UBE2H: variants seen among roughly 807,000 people sequenced by gnomAD.
UBE2H encodes the protein ubiquitin-conjugating enzyme E2 H.
UBE2H carries 3 observed loss-of-function variants against 29.0 expected under a neutral mutation model. The ratio of observed to expected loss-of-function variants is 0.10; its 90% CI spans 0.05 to 0.27. The LOEUF is 0.27. UBE2H is among the 10% of genes least tolerant of loss of function. The pLI is 1.00. For synonymous variants in UBE2H, 69 were observed against 82.9 expected, an observed-to-expected ratio of 0.83 and a Z score of 0.91; for missense variants, 68 against 228.2, an observed-to-expected ratio of 0.30 and a Z score of 4.52.
At chr7:129,879,327 G>A (rs1219601668) in intron 3 of UBE2H, among the ~76,000 whole-genome samples, 1 of 152,134 alleles carries the variant, frequency 6.6e-6, no homozygotes, top group African/African-American at 2.4e-5. Flanking sequence ...GGTTTAATCT[G>A]ACACCAAAAG....
chr7:129,873,848 C>A (rs2116355496), intron 3 of UBE2H, among the ~76,000 whole-genome samples: 1 of 152,284 alleles, frequency 6.6e-6, no homozygotes, highest in South Asian at 2.1e-4. Flanking sequence ...TCAACCATTT[C>A]TCTTACCTTC....
intron 1 of UBE2H, among the ~76,000 whole-genome samples, chr7:129,946,219 A>ATT (rs745714036): frequency 7.3e-6 from 1 of 137,762 alleles, no homozygotes. Context: ...CGCCCGGCTA[A>ATT]TTTTTTTTTT....
At chr7:129,916,235 C>T (rs1437296491) in intron 1 of UBE2H, among the ~76,000 whole-genome samples, 1 of 152,098 alleles carries the variant, frequency 6.6e-6, no homozygotes, top group East Asian at 1.9e-4. Context: ...AATCCTCTTC[C>T]ATTAAACAGA....
Position 129,858,884 on chromosome 7 carries a change from T to C in UBE2H, c.245+18A>G. The C allele has an allele frequency of 6.2e-7, 1 of 1,604,916 alleles. No homozygotes were observed. Among genetic ancestry groups the C allele is most frequent in the Non-Finnish European group, 8.5e-7 (1 of 1,173,452 alleles). On this transcript the variant is annotated intron_variant, in intron 4 of 6. Transcript: ENST00000355621. ...GCAGTTGCTGCTAAAATTGAAACAT[T>C]TTAAAATAGTTACTTACGCTTCATC...
intron 3 of UBE2H, among the ~76,000 whole-genome samples, chr7:129,868,601 A>G (rs1377301665): frequency 0.011 from 1,690 of 150,436 alleles, 35 homozygotes; most frequent in African/African-American, 0.039. Context: ...AAAAAAAAAA[A>G]AAAAAAAAAA....
At chr7:129,864,645 G>A (rs1464102056) in intron 3 of UBE2H, among the ~76,000 whole-genome samples, 9 of 143,952 alleles carry the variant, frequency 6.3e-5, no homozygotes, top group African/African-American at 2.0e-4. Context: ...TCCACCTCAC[G>A]GGTTCAAGCT....
chr7:129,868,653 C>CA (rs1269851215), intron 3 of UBE2H, among the ~76,000 whole-genome samples: 3 of 146,956 alleles, frequency 2.0e-5, no homozygotes, highest in Non-Finnish European at 4.5e-5. Flanking sequence ...CAAGCATATG[C>CA]AAAAGCAGGG....
At chr7:129,881,022 A>C (rs1806242438) in intron 1 of UBE2H, 51 bp from the exon 2 acceptor site, 1 of 1,542,372 alleles carries the variant, frequency 6.5e-7, no homozygotes, top group Admixed American at 1.9e-5. Flanking sequence ...ATCTGGCAGA[A>C]TTACCAATAA....
At chr7:129,931,956 AG>A (rs768272229) in intron 1 of UBE2H, among the ~76,000 whole-genome samples, 3 of 149,782 alleles carry the variant, frequency 2.0e-5, no homozygotes, top group Non-Finnish European at 4.4e-5. Context: ...CCCCAGTAAC[AG>A]GGATTACAAG....
intron 1 of UBE2H, among the ~76,000 whole-genome samples, chr7:129,915,729 A>G (rs1449004238): frequency 6.6e-6 from 1 of 152,148 alleles, no homozygotes; most frequent in Non-Finnish European, 1.5e-5. Flanking sequence ...CTGTGGCCAA[A>G]GCAAAAGCAA....
chr7:129,871,839 C>T (rs1244009262), intron 3 of UBE2H, among the ~76,000 whole-genome samples: 1 of 152,070 alleles, frequency 6.6e-6, no homozygotes. Flanking sequence ...ATTTTGCCTC[C>T]CCAGCCCCAA....
At chr7:129,938,839 A>C (rs1461566197) in intron 1 of UBE2H, among the ~76,000 whole-genome samples, 1 of 151,396 alleles carries the variant, frequency 6.6e-6, no homozygotes. Flanking sequence ...TCAGTCTGTC[A>C]CCAGGCTGGA....
At chr7:129,871,686 C>T (rs1457404068) in intron 3 of UBE2H, among the ~76,000 whole-genome samples, 2 of 148,926 alleles carry the variant, frequency 1.3e-5, no homozygotes, top group East Asian at 3.9e-4. Flanking sequence ...TGCACTCCAG[C>T]CTGCACAACA....
chr7:129,902,241 G>T (rs1374033768), intron 1 of UBE2H, among the ~76,000 whole-genome samples: 1 of 152,200 alleles, frequency 6.6e-6, no homozygotes. Context: ...GCTCACAGCT[G>T]TAATCTCAGC....
chr7:129,914,471 A>C (rs558525095), intron 1 of UBE2H, among the ~76,000 whole-genome samples: 2 of 152,116 alleles, frequency 1.3e-5, no homozygotes, highest in East Asian at 3.9e-4. Context: ...CCGACCAAAA[A>C]TCAACCTTTT....
At chr7:129,943,426 A>G (rs996927572) in intron 1 of UBE2H, among the ~76,000 whole-genome samples, 2 of 152,236 alleles carry the variant, frequency 1.3e-5, no homozygotes, top group East Asian at 3.8e-4. Context: ...TACTAATTTC[A>G]AATGGGGGTG....
At chr7:129,944,767 C>G (rs1438175525) in intron 1 of UBE2H, among the ~76,000 whole-genome samples, 1 of 151,898 alleles carries the variant, frequency 6.6e-6, no homozygotes, top group African/African-American at 2.4e-5. Flanking sequence ...CACGCACGCG[C>G]ATGCGCAAAC....
intron 1 of UBE2H, among the ~76,000 whole-genome samples, chr7:129,906,189 A>G (rs1806811846): frequency 6.6e-6 from 1 of 151,288 alleles, no homozygotes; most frequent in East Asian, 1.9e-4. Context: ...TGAAACCCCG[A>G]GTAAAGCCAT....
intron 5 of UBE2H, 132 bp downstream of exon 5, chr7:129,857,379 T>G (rs1236315619): frequency 3.5e-6 from 3 of 854,792 alleles, no homozygotes; most frequent in Non-Finnish European, 5.5e-6. Flanking sequence ...CTGATCAAAC[T>G]TTCCCAGTCG....
Sources: allele counts gnomAD v4.1 joint callset (sites outside exome capture counted in the v4.1 genomes callset), GRCh38; gene constraint gnomAD v4.1.1; transcripts MANE v1.5; gene names NCBI Gene and HGNC (gene_info 2026-07-23, HGNC 2026-07-21).